The following TEAD4 variants were observed in gnomAD, a reference collection of about 807,000 sequenced individuals.
TEAD4 encodes the protein TEA domain transcription factor 4.
In TEAD4, 36 loss-of-function variants were observed where a neutral mutation model predicts 52.4. The ratio of observed to expected loss-of-function variants is 0.69; its 90% CI spans 0.53 to 0.91. TEAD4 has a LOEUF of 0.91. TEAD4 is among the 40% of genes least tolerant of loss of function. The probability of loss-of-function intolerance (pLI) is 0.00; values close to 1 mark genes in which losing one functional copy is unlikely to be tolerated. For missense variants in TEAD4, 508 were observed against 583.9 expected (o/e 0.87, Z 1.34); for synonymous variants, 220 against 231.0 (o/e 0.95, Z 0.43).
intron 2 of TEAD4, among the ~76,000 whole-genome samples, chr12:2,993,320 C>T (rs2098244656): frequency 6.6e-6 from 1 of 152,160 alleles, no homozygotes; most frequent in Admixed American, 6.6e-5. Context: ...ATTTGTTTGA[C>T]CACTTAAGAA....
chr12:3,025,187 G>C (rs2098271327), intron 10 of TEAD4, among the ~76,000 whole-genome samples: 1 of 152,072 alleles, frequency 6.6e-6, no homozygotes, highest in South Asian at 2.1e-4. Context: ...CAGGCGATCT[G>C]CCCACCTCAG....
intron 10 of TEAD4, among the ~76,000 whole-genome samples, chr12:3,028,930 C>T (rs2098273729): frequency 6.6e-6 from 1 of 151,956 alleles, no homozygotes; most frequent in South Asian, 2.1e-4. Context: ...TGTCCCCAAC[C>T]CCATTGCCCA....
chr12:3,001,244 A>C (rs930098332), intron 3 of TEAD4, among the ~76,000 whole-genome samples: 2 of 152,244 alleles, frequency 1.3e-5, no homozygotes, highest in African/African-American at 4.8e-5. Flanking sequence ...AAAAATATAC[A>C]TTACGTAAAA....
At position 2,960,202 on chromosome 12, in the gene TEAD4, G is replaced by C. The variant is rs1050282230; in HGVS notation, c.-30+162G>C. ...CGAAGCGGCTCCAGGGGCGGGTAAG[G>C]GGGGTGGACACTCGGGACTTTGGGG... is the stretch of plus-strand genomic sequence containing the variant. On this transcript the variant is annotated intron_variant, in intron 2 of 12. Coordinates refer to ENST00000359864, the MANE Select transcript of TEAD4 (RefSeq NM_003213.4). 8 of 767,640 alleles carry C rather than the reference G, an allele frequency of 1.0e-5. 1 individual carries two copies. Among genetic ancestry groups the C allele is most frequent in the Admixed American group, 1.2e-4 (2 of 16,042 alleles). The allele number at this position is 767,640 out of a possible 1,614,324, so 47.6% of individuals were successfully genotyped here. A position where few individuals can be genotyped will look rare whatever the true frequency, so the allele number is the denominator to read the frequency against.
chr12:2,984,099 T>TG (rs1184000557), intron 2 of TEAD4, among the ~76,000 whole-genome samples: 1 of 152,056 alleles, frequency 6.6e-6, no homozygotes, highest in East Asian at 1.9e-4. Context: ...CCTAGCATGT[T>TG]GGGGGGTGAT....
chr12:3,039,536 C>T (rs532509288), intron 11 of TEAD4, among the ~76,000 whole-genome samples: 1 of 152,260 alleles, frequency 6.6e-6, no homozygotes, highest in East Asian at 1.9e-4. Flanking sequence ...CCCTGTGTGC[C>T]CCTCATGGTG....
chr12:3,019,949 T>C (rs2098267485), intron 8 of TEAD4, among the ~76,000 whole-genome samples: 1 of 152,172 alleles, frequency 6.6e-6, no homozygotes, highest in Admixed American at 6.5e-5. Context: ...CCTGCTGGCT[T>C]TTGCCTGCGT....
chr12:3,013,041 T>C (rs1438809062), intron 5 of TEAD4, among the ~76,000 whole-genome samples: 1 of 152,196 alleles, frequency 6.6e-6, no homozygotes, highest in Non-Finnish European at 1.5e-5. Flanking sequence ...AGCCTCGACC[T>C]CATAAGCTCC....
chr12:3,037,184 C>T (rs1042024731), intron 10 of TEAD4, among the ~76,000 whole-genome samples: 10 of 152,166 alleles, frequency 6.6e-5, no homozygotes, highest in African/African-American at 2.4e-4. Context: ...TGTGAAGGGC[C>T]TTGTGAGCCA....
rs184080640 is a variant in TEAD4 at position 2,987,527 on chromosome 12, C to T, written c.-29-7211C>T. Among the ~76,000 whole-genome samples, 136 of 152,036 alleles carry T rather than the reference C, an allele frequency of 8.9e-4. 3 individuals are homozygous for T. The East Asian group carries it at 0.021, about 24-fold the overall frequency. ...TCAGCTCACTGCAAGCTCCGCCTCC[C>T]GGGTTCACGCCATTCTCCTGCCTCA... is the stretch of plus-strand genomic sequence containing the variant. On this transcript the variant is annotated intron_variant, in intron 2 of 12. Transcript: ENST00000359864.
At position 3,003,053 on chromosome 12, in the gene TEAD4, C is replaced by T. The variant is rs61917968; in HGVS notation, c.227-7951C>T. Among the ~76,000 whole-genome samples the T allele has an allele frequency of 1.1e-3, 175 of 152,290 alleles. 2 individuals carry two copies. In the South Asian group the frequency reaches 0.029, roughly 25 times the overall value. On this transcript the variant is annotated intron_variant, in intron 3 of 12. Transcript: ENST00000359864. ...CCCCCAACACACACACCCTGGCCCC[C>T]GCTTCCAGGCCATTGGGGATTAGGG... is the stretch of plus-strand genomic sequence containing the variant.
intron 10 of TEAD4, among the ~76,000 whole-genome samples, chr12:3,024,309 C>T (rs1043854606): frequency 6.6e-5 from 10 of 152,132 alleles, no homozygotes; most frequent in African/African-American, 2.4e-4. Flanking sequence ...ATCTCCTGAC[C>T]TCGTGATCTG....
At position 3,025,100 on chromosome 12, in the gene TEAD4, A is replaced by G. The variant is rs548426167; in HGVS notation, c.897+3083A>G. On this transcript the variant is annotated intron_variant, in intron 10 of 12. Coordinates refer to ENST00000359864, the MANE Select transcript of TEAD4 (RefSeq NM_003213.4). ...GCTGGGATTACAGGCACCCACCATC[A>G]TGGCTGGCTAATTTTTGTCTTTTTG... Among the ~76,000 whole-genome samples the G allele has an allele frequency of 4.6e-5, 7 of 152,140 alleles. No individual in the cohort carries two copies. The East Asian group carries it at 7.7e-4, about 17-fold the overall frequency.
chr12:3,036,882 C>G (rs950807), intron 10 of TEAD4, among the ~76,000 whole-genome samples: 32,581 of 152,004 alleles, frequency 0.21, 3,693 homozygotes, highest in Non-Finnish European at 0.23. Context: ...TGGCACTCTG[C>G]TGGTTTGGGA....
intron 2 of TEAD4, among the ~76,000 whole-genome samples, chr12:2,966,718 T>G (rs959367019): frequency 2.0e-5 from 3 of 151,598 alleles, no homozygotes; most frequent in African/African-American, 7.3e-5. Flanking sequence ...GCGTATTTCT[T>G]TTTTTTGAGA....
At chr12:2,960,202 G>A (rs1050282230) in intron 2 of TEAD4, 162 bp downstream of exon 2, 4 of 767,640 alleles carry the variant, frequency 5.2e-6, no homozygotes, top group African/African-American at 1.9e-5. Context: ...GGCGGGTAAG[G>A]GGGGTGGACA....
intron 3 of TEAD4, among the ~76,000 whole-genome samples, chr12:3,000,431 G>A (rs1028381932): frequency 3.9e-5 from 6 of 152,150 alleles, no homozygotes; most frequent in South Asian, 2.1e-4. Context: ...CAGGCATCCC[G>A]TGGCGAAGGG....
At chr12:2,971,545 G>C (rs1384523455) in intron 2 of TEAD4, among the ~76,000 whole-genome samples, 2 of 148,454 alleles carry the variant, frequency 1.3e-5, no homozygotes, top group Non-Finnish European at 3.0e-5. Context: ...GTGCGATCTC[G>C]GCTCACTGCA....
chr12:2,979,521 G>A (rs1046524638), intron 2 of TEAD4, among the ~76,000 whole-genome samples: 3 of 152,250 alleles, frequency 2.0e-5, no homozygotes, highest in Non-Finnish European at 2.9e-5. Flanking sequence ...GAGCGTGCGC[G>A]TCAGGCAGTG....
Sources: gnomAD v4.1 joint callset for allele counts (sites outside exome capture counted in the v4.1 genomes callset) on GRCh38, gnomAD v4.1.1 for gene constraint, MANE v1.5 for transcripts, NCBI Gene and HGNC (gene_info 2026-07-23, HGNC 2026-07-21) for gene names.